HPSE2: variants seen among roughly 807,000 people sequenced by gnomAD.
HPSE2 encodes heparanase 2 (inactive), also known as inactive heparanase-2.
A neutral mutation model predicts 60.5 loss-of-function variants in HPSE2; 38 were observed. The observed-to-expected ratio is 0.63, with a 90% confidence interval of 0.48 to 0.82. The LOEUF is 0.82. HPSE2 is among the 40% of genes least tolerant of loss of function. The pLI, the probability that HPSE2 is intolerant of heterozygous loss-of-function variation, is 0.00. For missense variants in HPSE2, 713 were observed against 740.4 expected (o/e 0.96, Z 0.43); for synonymous variants, 295 against 293.2 (o/e 1.01, Z -0.06).
At chr10:98,867,774 T>A (rs1266120519) in intron 3 of HPSE2, among the ~76,000 whole-genome samples, 2 of 152,080 alleles carry the variant, frequency 1.3e-5, no homozygotes, top group African/African-American at 4.8e-5. Context: ...ATAAAGAAAC[T>A]GTGGGCTGGG....
At chr10:98,609,912 G>A (rs1359057160) in intron 9 of HPSE2, among the ~76,000 whole-genome samples, 1 of 146,780 alleles carries the variant, frequency 6.8e-6, no homozygotes, top group Non-Finnish European at 1.5e-5. Context: ...CACGATCTCA[G>A]CTCACTGCAA....
chr10:98,898,927 A>G (rs1953577997), intron 3 of HPSE2, among the ~76,000 whole-genome samples: 1 of 152,266 alleles, frequency 6.6e-6, no homozygotes, highest in African/African-American at 2.4e-5. Flanking sequence ...GTGCTGGAAC[A>G]TATGTCCATG....
chr10:98,898,458 A>C (rs1160143488), intron 3 of HPSE2, among the ~76,000 whole-genome samples: 1 of 152,200 alleles, frequency 6.6e-6, no homozygotes, highest in Non-Finnish European at 1.5e-5. Flanking sequence ...TACTAAGTAA[A>C]AGAAACTAGT....
At chr10:99,269,928 G>A in the HPSE2 span, among the ~76,000 whole-genome samples, 1 of 152,132 alleles carries the variant, frequency 6.6e-6, no homozygotes, top group Admixed American at 6.6e-5. Flanking sequence ...TCTTTGAACT[G>A]AACAATAATA....
At chr10:98,780,983 A>T (rs1045090805) in intron 3 of HPSE2, among the ~76,000 whole-genome samples, 5 of 152,076 alleles carry the variant, frequency 3.3e-5, no homozygotes, top group African/African-American at 1.2e-4. Flanking sequence ...CTTCCAGGCC[A>T]AGAAACTTGC....
chr10:98,708,238 C>T (rs1186355277), intron 5 of HPSE2, among the ~76,000 whole-genome samples: 1 of 151,988 alleles, frequency 6.6e-6, no homozygotes, highest in African/African-American at 2.4e-5. Context: ...GGGCGGATCA[C>T]GAGGTCAGGA....
At chr10:98,985,528 T>C (rs1956320759) in intron 3 of HPSE2, among the ~76,000 whole-genome samples, 2 of 152,152 alleles carry the variant, frequency 1.3e-5, no homozygotes, top group Admixed American at 1.3e-4. Flanking sequence ...TACCAGCCAC[T>C]GCAAAAACAT....
Position 98,942,423 on chromosome 10 carries a change from C to T in HPSE2, c.611-198367G>A, listed in dbSNP as rs377423924. 4.0e-5 allele frequency among the ~76,000 whole-genome samples: 6 copies of T among 149,356 alleles called. No homozygotes were observed. In the South Asian group the frequency reaches 8.4e-4, roughly 21 times the overall value. On this transcript the variant is annotated intron_variant, in intron 3 of 11. Coordinates refer to ENST00000370552, the MANE Select transcript of HPSE2 (RefSeq NM_021828.5). ...ACCCCATCAAAAAGTGGGCAAAGGACATGAACAGACACTTCTCAAAAGAAG... is the reference window on the plus strand; with the variant it reads ...ACCCCATCAAAAAGTGGGCAAAGGATATGAACAGACACTTCTCAAAAGAAG...
At chr10:99,185,626 T>G (rs553193323) in intron 2 of HPSE2, among the ~76,000 whole-genome samples, 3 of 151,582 alleles carry the variant, frequency 2.0e-5, no homozygotes, top group Admixed American at 1.3e-4. Flanking sequence ...TACAAAAAAT[T>G]AGCCGGGCGT....
At chr10:98,603,978 C>A (rs1282522102) in intron 9 of HPSE2, among the ~76,000 whole-genome samples, 2 of 152,108 alleles carry the variant, frequency 1.3e-5, no homozygotes, top group Non-Finnish European at 2.9e-5. Flanking sequence ...CACAGGCTCA[C>A]AAAAAGTCTG....
intron 3 of HPSE2, among the ~76,000 whole-genome samples, chr10:98,956,839 A>C (rs1434007742): frequency 4.6e-5 from 7 of 152,116 alleles, no homozygotes; most frequent in Non-Finnish European, 1.0e-4. Flanking sequence ...ATATGACCTG[A>C]AGCCTCAACG....
chr10:98,539,164 A>G (rs935172760), intron 9 of HPSE2, among the ~76,000 whole-genome samples: 1 of 152,220 alleles, frequency 6.6e-6, no homozygotes, highest in African/African-American at 2.4e-5. Context: ...CATTTTATCA[A>G]CAAATCAGCC....
At chr10:98,598,817 G>A (rs1945318785) in intron 9 of HPSE2, among the ~76,000 whole-genome samples, 1 of 152,106 alleles carries the variant, frequency 6.6e-6, no homozygotes, top group Non-Finnish European at 1.5e-5. Context: ...AGCAGGCATG[G>A]AGCCTGGGTC....
At chr10:99,132,209 GAGAGAGAGAGAGAGAGAGAGAGAGAGAGA>G (rs1845449030) in intron 3 of HPSE2, among the ~76,000 whole-genome samples, 4 of 20,494 alleles carry the variant, frequency 2.0e-4, no homozygotes, top group African/African-American at 3.0e-4. Flanking sequence ...GAGAGAGAGA[GAGAGAGAGAGAGAGAGAGAGAGAGAGAGA>G]GAGAGAAAGA....
chr10:98,965,255 T>G (rs1052010644), intron 3 of HPSE2, among the ~76,000 whole-genome samples: 1 of 152,132 alleles, frequency 6.6e-6, no homozygotes, highest in African/African-American at 2.4e-5. Context: ...ACATTCTTAT[T>G]TGGGGATTAT....
chr10:99,208,692 A>AT lies in HPSE2; in HGVS notation c.448+23655_448+23656insA, dbSNP rs1848848523. Among the ~76,000 whole-genome samples the AT allele has an allele frequency of 3.6e-5, 5 of 137,846 alleles. No individual in the cohort carries two copies. In the South Asian group the frequency reaches 7.3e-4, roughly 20 times the overall value. 90.4% of individuals were successfully genotyped at this position (137,846 alleles called of 152,430 possible). A position where few individuals can be genotyped will look rare whatever the true frequency, so the allele number is the denominator to read the frequency against. The stretch of plus-strand genomic sequence containing the variant: ...AGAGTGAGATCCAGTCTCAAAAAAT[A>AT]AAAATAAAAAAAAAAAGACATAGAG... On this transcript the variant is annotated intron_variant, in intron 2 of 11. Transcript: ENST00000370552.
chr10:99,231,383 T>C (rs1849640020), intron 2 of HPSE2, among the ~76,000 whole-genome samples: 1 of 152,202 alleles, frequency 6.6e-6, no homozygotes, highest in South Asian at 2.1e-4. Context: ...CCTCCAAGAA[T>C]GGACACTAAT....
At chr10:98,795,006 AGG>A (rs1491172942) in intron 3 of HPSE2, among the ~76,000 whole-genome samples, 8 of 117,008 alleles carry the variant, frequency 6.8e-5, no homozygotes, top group African/African-American at 2.4e-4. Flanking sequence ...GGAGGGAGGA[AGG>A]AGAGAGAGAG....
intron 2 of HPSE2, among the ~76,000 whole-genome samples, chr10:99,198,488 T>G (rs1353857143): frequency 6.6e-6 from 1 of 152,188 alleles, no homozygotes; most frequent in East Asian, 1.9e-4. Context: ...ATAAAAGACA[T>G]GGACTCCACT....
Sources: gnomAD v4.1 joint callset for allele counts (sites outside exome capture counted in the v4.1 genomes callset) on GRCh38, gnomAD v4.1.1 for gene constraint, MANE v1.5 for transcripts, NCBI Gene and HGNC (gene_info 2026-07-23, HGNC 2026-07-21) for gene names.